The following PHTF2 variants were observed in gnomAD, a reference collection of about 807,000 sequenced individuals.
The protein encoded by PHTF2 is protein PHTF2.
A neutral mutation model predicts 101.2 loss-of-function variants in PHTF2; 60 were observed. The observed-to-expected ratio is 0.59, with a 90% CI of 0.48 to 0.73. The LOEUF (loss-of-function observed/expected upper bound fraction) is 0.73, where lower values mean the gene tolerates loss of function less well. Among genes scored for constraint, PHTF2 ranks in the 30% least tolerant of loss-of-function variants. PHTF2 has a pLI of 0.00. For synonymous variants in PHTF2, 311 were observed against 307.3 expected (o/e 1.01, Z -0.13); for missense variants, 747 against 908.7 (o/e 0.82, Z 2.29).
intron 3 of PHTF2, among the ~76,000 whole-genome samples, chr7:77,885,208 C>T (rs951208361): frequency 2.0e-5 from 3 of 152,118 alleles, no homozygotes; most frequent in Non-Finnish European, 4.4e-5. Flanking sequence ...ATCCTTGCCC[C>T]TCAGCCTCCC....
chr7:77,933,015 G>A (rs1804750288), intron 12 of PHTF2, among the ~76,000 whole-genome samples: 1 of 152,082 alleles, frequency 6.6e-6, no homozygotes, highest in Admixed American at 6.6e-5. Context: ...GAGGCGGGTG[G>A]ATCACAAGGT....
chr7:77,843,517 C>G (rs1796045910), intron 2 of PHTF2, among the ~76,000 whole-genome samples: 1 of 151,804 alleles, frequency 6.6e-6, no homozygotes. Context: ...CTGAGGGTTC[C>G]CCTCACTGGC....
intron 15 of PHTF2, 44 bp from the exon 15 acceptor site, chr7:77,942,656 A>T (rs1435854415): frequency 9.2e-7 from 1 of 1,082,006 alleles, no homozygotes; most frequent in African/African-American, 1.6e-5. Context: ...TAGTAAATAT[A>T]TTTTAAAATG....
At chr7:77,915,246 G>A (rs143529543) in intron 9 of PHTF2, among the ~76,000 whole-genome samples, 1,847 of 149,940 alleles carry the variant, frequency 0.012, 15 homozygotes, top group Middle Eastern at 0.032. Flanking sequence ...TTGAGATGGC[G>A]TCTCACTCTG....
chr7:77,899,840 A>G (rs1001501978), intron 5 of PHTF2, among the ~76,000 whole-genome samples: 2 of 152,208 alleles, frequency 1.3e-5, no homozygotes, highest in Admixed American at 1.3e-4. Flanking sequence ...GTCATCTCGC[A>G]GTAATTGGCT....
exon 12 of PHTF2, chr7:77,929,129 T>A: frequency 6.2e-7 from 1 of 1,613,654 alleles, no homozygotes; most frequent in African/African-American, 1.3e-5. Context: ...AATCGGGTAC[T>A]AGTTGCAGCT....
chr7:77,814,657 ACGCGCCAC>A (rs1793712602), intron 1 of PHTF2, among the ~76,000 whole-genome samples: 1 of 151,926 alleles, frequency 6.6e-6, no homozygotes, highest in Non-Finnish European at 1.5e-5. Flanking sequence ...GATTACAGGC[ACGCGCCAC>A]CGCGCCCAGC....
In PHTF2 at chr7:77,949,662, T is replaced by A; in HGVS notation, c.1960-16T>A. 1 of 1,467,338 alleles carries A rather than the reference T, an allele frequency of 6.8e-7. No homozygotes were observed. The highest frequency in any genetic ancestry group is 9.3e-7 in the Non-Finnish European group (1 of 1,078,048). 90.9% of individuals were successfully genotyped at this position (1,467,338 alleles called of 1,614,324 possible). On this transcript the variant is annotated splice_polypyrimidine_tract_variant and intron_variant, in intron 16 of 19. Coordinates refer to ENST00000416283, the Ensembl canonical transcript of PHTF2. ...AATCACATTGCTGCTTTATGTTACCTTTTTCATACTTTTAGCTACTTCATG... is the reference window on the plus strand; with the variant it reads ...AATCACATTGCTGCTTTATGTTACCATTTTCATACTTTTAGCTACTTCATG...
intron 16 of PHTF2, among the ~76,000 whole-genome samples, chr7:77,945,001 TG>T (rs1336941537): frequency 1.3e-5 from 2 of 152,008 alleles, no homozygotes; most frequent in Non-Finnish European, 1.5e-5. Context: ...AAATGCAAAA[TG>T]GATATTTAGA....
chr7:77,809,336 C>T lies in PHTF2; in HGVS notation c.-36+10365C>T, dbSNP rs1298604181. Among the ~76,000 whole-genome samples the T allele has an allele frequency of 2.7e-5, 4 of 148,868 alleles. 1 individual carries two copies. The highest frequency in any genetic ancestry group is 6.9e-3 in the Middle Eastern group (2 of 288). On this transcript the variant is annotated intron_variant, in intron 1 of 19. Transcript: ENST00000416283. The stretch of plus-strand genomic sequence containing the variant: ...CCGCCTCCCGGCTTCAAATGATTCT[C>T]CTGCCTCAGCCTCCCAAATAGCTGG...
At chr7:77,837,288 A>G (rs1043852931) in intron 1 of PHTF2, among the ~76,000 whole-genome samples, 3 of 152,350 alleles carry the variant, frequency 2.0e-5, no homozygotes, top group Non-Finnish European at 4.4e-5. Flanking sequence ...AATACAGTCT[A>G]TGAACCTGTA....
chr7:77,829,280 G>GT (rs1432795095), intron 1 of PHTF2, among the ~76,000 whole-genome samples: 7 of 152,128 alleles, frequency 4.6e-5, no homozygotes, highest in Non-Finnish European at 8.8e-5. Context: ...CTTGCCTGTA[G>GT]TTTTTTCTTC....
At chr7:77,891,477 G>A (rs1023166481) in intron 3 of PHTF2, among the ~76,000 whole-genome samples, 3 of 152,208 alleles carry the variant, frequency 2.0e-5, no homozygotes, top group African/African-American at 4.8e-5. Context: ...CTGCTTCATA[G>A]AGACTCATGG....
At chr7:77,893,891 T>A in intron 4 of PHTF2, 91 bp from the exon 4 acceptor site, 1 of 961,864 alleles carries the variant, frequency 1.0e-6, no homozygotes, top group East Asian at 2.4e-5. Flanking sequence ...CTAATGACTA[T>A]TTTTTTGTCA....
At chr7:77,866,869 G>T (rs1161339548) in intron 3 of PHTF2, among the ~76,000 whole-genome samples, 5 of 152,268 alleles carry the variant, frequency 3.3e-5, no homozygotes, top group African/African-American at 9.6e-5. Context: ...TTTAGTCAGG[G>T]TTATGTTTTA....
chr7:77,879,738 A>G (rs1342823106), intron 3 of PHTF2, among the ~76,000 whole-genome samples: 1 of 152,094 alleles, frequency 6.6e-6, no homozygotes, highest in African/African-American at 2.4e-5. Context: ...TTTGTTGTTA[A>G]AATATCTCTT....
At chr7:77,865,800 G>C (rs766330438) in intron 3 of PHTF2, among the ~76,000 whole-genome samples, 79 of 152,060 alleles carry the variant, frequency 5.2e-4, no homozygotes, top group Non-Finnish European at 1.0e-3. Context: ...AAGTACCTTT[G>C]ATGTGCCATG....
At position 77,951,716 on chromosome 7, in the gene PHTF2, A is replaced by G; in HGVS notation, c.2211+4A>G. On this transcript the variant is annotated splice_donor_region_variant and intron_variant, in intron 18 of 19. Transcript: ENST00000416283. Reference sequence around the variant, plus strand: ...ACTGGCTACTAAACTGCTAAAGGTAAGAATAGAACTGAAAATGGTTATAAT... The same window carrying G: ...ACTGGCTACTAAACTGCTAAAGGTAGGAATAGAACTGAAAATGGTTATAAT... 1 of 1,202,082 alleles carries G rather than the reference A, an allele frequency of 8.3e-7. No individual in the cohort carries two copies. The highest frequency in any genetic ancestry group is 1.6e-5 in the African/African-American group (1 of 64,514). 74.5% of individuals were successfully genotyped at this position (1,202,082 alleles called of 1,614,324 possible).
chr7:77,873,906 C>T (rs1479468251), intron 3 of PHTF2, among the ~76,000 whole-genome samples: 1 of 152,162 alleles, frequency 6.6e-6, no homozygotes, highest in Non-Finnish European at 1.5e-5. Flanking sequence ...TGTTTTTCTA[C>T]AATTTCAGCT....
Sources: allele counts gnomAD v4.1 joint callset (sites outside exome capture counted in the v4.1 genomes callset), GRCh38; gene constraint gnomAD v4.1.1; transcripts MANE v1.5; gene names NCBI Gene and HGNC (gene_info 2026-07-23, HGNC 2026-07-21).